Variants in DCUN1D4 observed in about 807,000 individuals in gnomAD.
The protein encoded by DCUN1D4 is DCN1-like protein 4.
A neutral mutation model predicts 47.9 loss-of-function variants in DCUN1D4; 22 were observed. The ratio of observed to expected loss-of-function variants is 0.46; its 90% CI spans 0.33 to 0.66. DCUN1D4 has a LOEUF of 0.66. Ranked by LOEUF, DCUN1D4 falls within the 30% of genes least tolerant of loss-of-function variation. The pLI is 0.02. For synonymous variants in DCUN1D4, 121 were observed against 112.2 expected, an observed-to-expected ratio of 1.08 and a Z score of -0.50; for missense variants, 301 against 340.8, an observed-to-expected ratio of 0.88 and a Z score of 0.92.
intron 8 of DCUN1D4, among the ~76,000 whole-genome samples, chr4:51,906,294 C>G (rs1272508696): frequency 1.3e-5 from 2 of 152,288 alleles, no homozygotes; most frequent in African/African-American, 4.8e-5. Context: ...AGCTGGTACA[C>G]TGTCCTCTTC....
At chr4:51,872,167 A>G (rs1677192132) in intron 3 of DCUN1D4, among the ~76,000 whole-genome samples, 1 of 152,214 alleles carries the variant, frequency 6.6e-6, no homozygotes, top group African/African-American at 2.4e-5. Context: ...CATCTGGGCC[A>G]GAGTCCCAAT....
chr4:51,843,160 A>G lies in DCUN1D4; in HGVS notation c.-83A>G, dbSNP rs1721855525. ...GCCCGGCGGCGGGTCCTCAGCTTCG[A>G]GCCGAGGTGCAGTGAGCTGGTGGGG... is the stretch of plus-strand genomic sequence containing the variant. On this transcript the variant is annotated 5_prime_UTR_variant, in exon 1 of 11. Coordinates refer to ENST00000334635, the MANE Select transcript of DCUN1D4 (RefSeq NM_001040402.3). 3.3e-6 allele frequency: 5 copies of G among 1,523,728 alleles called. No homozygotes were observed. The highest frequency in any genetic ancestry group is 1.2e-5 in the South Asian group (1 of 81,518). 94.4% of individuals were successfully genotyped at this position (1,523,728 alleles called of 1,614,324 possible).
intron 7 of DCUN1D4, among the ~76,000 whole-genome samples, chr4:51,892,591 G>T (rs1450971432): frequency 1.3e-5 from 2 of 152,204 alleles, no homozygotes; most frequent in Non-Finnish European, 2.9e-5. Context: ...AAATTAAAAA[G>T]ATTTGGTTTG....
At chr4:51,834,103 C>CTTTTTTTTTTTTTTTTT in the DCUN1D4 span, among the ~76,000 whole-genome samples, 71 of 42,572 alleles carry the variant, frequency 1.7e-3, 11 homozygotes, top group East Asian at 6.7e-3. Context: ...TTTCTTCTTT[C>CTTTTTTTTTTTTTTTTT]TTTTTTTTTT....
At chr4:51,839,083 C>CAGAG (rs1220908716), upstream of DCUN1D4, among the ~76,000 whole-genome samples, 1 of 137,950 alleles carries the variant, frequency 7.2e-6, no homozygotes, top group Non-Finnish European at 1.5e-5. Context: ...TCAAAAGAGA[C>CAGAG]AGAGAGAGAG....
Position 51,843,282 on chromosome 4 carries a change from G to T in DCUN1D4, c.25+15G>T. ...CGCCGCTGTCAGTGAGTAGCAGAGAGCCAGCCAGCGGGCCGGGGCCGGGCG... is the reference window on the plus strand; with the variant it reads ...CGCCGCTGTCAGTGAGTAGCAGAGATCCAGCCAGCGGGCCGGGGCCGGGCG... On this transcript the variant is annotated intron_variant, in intron 1 of 10. Coordinates refer to ENST00000334635, the MANE Select transcript of DCUN1D4 (RefSeq NM_001040402.3). The T allele has an allele frequency of 6.5e-7, 1 of 1,528,416 alleles. No individual in the cohort carries two copies. Among genetic ancestry groups the T allele is most frequent in the Non-Finnish European group, 8.8e-7 (1 of 1,138,106 alleles). 94.7% of individuals were successfully genotyped at this position (1,528,416 alleles called of 1,614,324 possible).
At chr4:51,890,856 C>G (rs1400354824) in intron 6 of DCUN1D4, among the ~76,000 whole-genome samples, 2 of 152,214 alleles carry the variant, frequency 1.3e-5, no homozygotes, top group African/African-American at 4.8e-5. Context: ...CCTGTGCTAT[C>G]TTTTCTCTAA....
chr4:51,882,720 T>C (rs1370152637), intron 5 of DCUN1D4, among the ~76,000 whole-genome samples: 1 of 152,000 alleles, frequency 6.6e-6, no homozygotes, highest in Non-Finnish European at 1.5e-5. Flanking sequence ...TGAGCCGAGA[T>C]TGCACCACTG....
intron 3 of DCUN1D4, chr4:51,865,042 C>T: frequency 4.5e-6 from 1 of 222,332 alleles, no homozygotes; most frequent in Non-Finnish European, 1.0e-5. Flanking sequence ...CTATTCTTAG[C>T]ATAAGTTTTA....
At chr4:51,842,460 T>C (rs1303198456), upstream of DCUN1D4, among the ~76,000 whole-genome samples, 1 of 152,188 alleles carries the variant, frequency 6.6e-6, no homozygotes. Context: ...AAGAAGTACA[T>C]TTCGAAAGTG....
chr4:51,891,138 G>A (rs141599670), intron 6 of DCUN1D4, among the ~76,000 whole-genome samples: 19 of 152,296 alleles, frequency 1.2e-4, no homozygotes, highest in Middle Eastern at 3.4e-3. Context: ...ACTTCACTGC[G>A]TGTCTCCCCC....
chr4:51,886,636 A>G lies in DCUN1D4; in HGVS notation c.412A>G (p.Asn138Asp), dbSNP rs781220639. Residue 138 changes from asparagine (N) to aspartate (D), a missense_variant and splice_region_variant, in exon 6 of 11, where the codon AAC (asparagine) becomes GAC (aspartate). Asn to Asp is a conservative substitution (Grantham distance 23). Around this residue, in one of 2 missense-constraint regions of DCUN1D4, gnomAD observed 170 missense variants for 234.5 expected, o/e 0.73. Transcript: ENST00000334635. ...TGAAGACATTGGTGTTGAACCAGAA[A>G]ACGTGAGTCAAACTTACTGAGTTGG... ...FCEDIGVEPE[N>D]VVMLVLAWKL... is the part of the protein sequence containing the mutation. 3.1e-6 allele frequency: 5 copies of G among 1,613,844 alleles called. No individual in the cohort carries two copies. In the South Asian group the frequency reaches 4.4e-5, roughly 14 times the overall value.
chr4:51,870,853 G>A (rs1302166920), intron 3 of DCUN1D4, among the ~76,000 whole-genome samples: 1 of 152,110 alleles, frequency 6.6e-6, no homozygotes, highest in Non-Finnish European at 1.5e-5. Flanking sequence ...AAGTAAAGTT[G>A]TTTCCCTAAG....
At chr4:51,904,030 GC>G (rs1426316740) in intron 8 of DCUN1D4, among the ~76,000 whole-genome samples, 5 of 151,298 alleles carry the variant, frequency 3.3e-5, no homozygotes, top group Non-Finnish European at 5.9e-5. Flanking sequence ...TCTTTGCATT[GC>G]TTGTAATTTT....
chr4:51,882,348 G>A (rs1157592500), intron 5 of DCUN1D4, among the ~76,000 whole-genome samples: 1 of 152,262 alleles, frequency 6.6e-6, no homozygotes, highest in Non-Finnish European at 1.5e-5. Flanking sequence ...TACCTTTATG[G>A]TGAACATTGA....
intron 7 of DCUN1D4, among the ~76,000 whole-genome samples, chr4:51,898,982 A>C (rs1731694048): frequency 6.6e-6 from 1 of 152,228 alleles, no homozygotes; most frequent in Admixed American, 6.5e-5. Flanking sequence ...TTATGTTTGC[A>C]ACTTTTAAAT....
intron 7 of DCUN1D4, among the ~76,000 whole-genome samples, chr4:51,893,076 T>C (rs183960964): frequency 2.2e-4 from 34 of 152,342 alleles, no homozygotes; most frequent in African/African-American, 7.5e-4. Flanking sequence ...GATCAGATTT[T>C]ATCCTGAACA....
chr4:51,885,465 T>C (rs900664542), intron 5 of DCUN1D4, among the ~76,000 whole-genome samples: 2 of 152,206 alleles, frequency 1.3e-5, no homozygotes, highest in African/African-American at 4.8e-5. Flanking sequence ...AGGCCTGATA[T>C]CGAGAGACAT....
rs1373417481 is a variant in DCUN1D4 at position 51,915,926 on chromosome 4, TTGAC to T, written c.*2345_*2348del. 1 of 152,466 alleles carries T rather than the reference TTGAC, an allele frequency of 6.6e-6. No individual in the cohort carries two copies. Among genetic ancestry groups the T allele is most frequent in the Non-Finnish European group, 1.5e-5 (1 of 67,986 alleles). 9.4% of individuals were successfully genotyped at this position (152,466 alleles called of 1,614,324 possible). On this transcript the variant is annotated 3_prime_UTR_variant, in exon 11 of 11. Coordinates refer to ENST00000334635, the MANE Select transcript of DCUN1D4 (RefSeq NM_001040402.3). ...AAACTGCCTTGAAAAATAAACCTCT[TTGAC>T]TGCTGAGCGGCAGAGTGCTTACCCT...
Sources: gnomAD v4.1 joint callset for allele counts (sites outside exome capture counted in the v4.1 genomes callset) on GRCh38, gnomAD v4.1.1 for gene constraint, gnomAD v4.1.1 regional missense constraint, MANE v1.5 for transcripts, NCBI Gene and HGNC (gene_info 2026-07-23, HGNC 2026-07-21) for gene names.